Variants in DPEP3 observed in about 807,000 individuals in gnomAD.
The protein encoded by DPEP3 is dipeptidase 3, also known as membrane-bound dipeptidase 3.
In DPEP3, 42 loss-of-function variants were observed where a neutral mutation model predicts 47.5. The observed-to-expected ratio is 0.88, with a 90% CI of 0.69 to 1.14. The LOEUF (loss-of-function observed/expected upper bound fraction) is 1.14, where lower values mean the gene tolerates loss of function less well. Among genes scored for constraint, DPEP3 ranks in the 50% most tolerant of loss-of-function variants. The pLI, the probability that DPEP3 is intolerant of heterozygous loss-of-function variation, is 0.00. For missense variants in DPEP3, 560 were observed against 635.0 expected (o/e 0.88, Z 1.27); for synonymous variants, 276 against 270.2 (o/e 1.02, Z -0.21).
At chr16:67,977,525 A>T in intron 6 of DPEP3, 128 bp downstream of exon 6, 1 of 1,331,276 alleles carries the variant, frequency 7.5e-7, no homozygotes, top group Non-Finnish European at 1.0e-6. Flanking sequence ...CTTAAGTTTC[A>T]GGGATGGAGG....
At position 67,978,440 on chromosome 16, in the gene DPEP3, T is replaced by G; in HGVS notation, c.545-32A>C. On this transcript the variant is annotated intron_variant, in intron 3 of 9. Transcript: ENST00000268793. This position sits in a 1 kb window ranked among gnomAD's most constrained non-coding sequence, Gnocchi z 4.4. ...GGAGGTAGAGAGTCAAGTGGTTAGATCCCAGGAACAGAACCTCCAGAGTGA... is the reference window on the plus strand; with the variant it reads ...GGAGGTAGAGAGTCAAGTGGTTAGAGCCCAGGAACAGAACCTCCAGAGTGA... 6.2e-7 allele frequency: 1 copy of G among 1,613,926 alleles called. No individual in the cohort carries two copies. The highest frequency in any genetic ancestry group is 8.5e-7 in the Non-Finnish European group (1 of 1,179,850).
chr16:67,978,332 C>A lies in DPEP3; in HGVS notation c.621G>T (p.Val207=), dbSNP rs759756513. 4 of 1,614,154 alleles carry A rather than the reference C, an allele frequency of 2.5e-6. No homozygotes were observed. The Admixed American group carries it at 5.0e-5, about 20-fold the overall frequency. The change falls in exon 4 of 10, where the codon GTG becomes GTT. Residue 207 remains valine (V), a synonymous_variant. Transcript: ENST00000268793. This position sits in a 1 kb window ranked among gnomAD's most constrained non-coding sequence, Gnocchi z 4.4. ...CCCCCAGCACATAGAAACTGCGCAG[C>A]ACAGAGAGGCTGCTGTCCAGTGAGT... ...GGHSLDSSLS[V]LRSFYVLGVR...
intron 7 of DPEP3, among the ~76,000 whole-genome samples, 166 bp downstream of exon 7, chr16:67,977,104 C>T (rs372504216): frequency 6.6e-6 from 1 of 152,178 alleles, no homozygotes; most frequent in African/African-American, 2.4e-5. Context: ...AGCACTGACT[C>T]TGTGGCTCCA....
chr16:67,979,911 G>A, intron 1 of DPEP3, 146 bp from the exon 2 acceptor site: 2 of 1,416,394 alleles, frequency 1.4e-6, no homozygotes, highest in Admixed American at 2.3e-5. Flanking sequence ...GAGGGAGGGG[G>A]TTAGATTCCA....
Position 67,978,772 on chromosome 16 carries a change from T to A in DPEP3, c.415-146A>T. 1 of 871,668 alleles carries A rather than the reference T, an allele frequency of 1.1e-6. No homozygotes were observed. 54.0% of individuals were successfully genotyped at this position (871,668 alleles called of 1,614,324 possible). A position where few individuals can be genotyped will look rare whatever the true frequency, so the allele number is the denominator to read the frequency against. On this transcript the variant is annotated intron_variant, in intron 2 of 9. Coordinates refer to ENST00000268793, the MANE Select transcript of DPEP3 (RefSeq NM_001370198.1). The surrounding 1 kb of genome is among the most constrained non-coding windows in gnomAD (Gnocchi z 4.4). Reference sequence around the variant, plus strand: ...CATGACTCCATGGTACCTTGATGACTTTTTTTAAAATTATTTTTTATTTTT... The same window carrying A: ...CATGACTCCATGGTACCTTGATGACATTTTTTAAAATTATTTTTTATTTTT...
rs1239250648 is a variant in DPEP3, at chr16:67,979,633, T to G, written c.414+6A>C. On this transcript the variant is annotated splice_donor_region_variant and intron_variant, in intron 2 of 9. Coordinates refer to ENST00000268793, the MANE Select transcript of DPEP3 (RefSeq NM_001370198.1). ...TGCTGTGGCACCCTGTGTGTCCCTG[T>G]GGTACCTGGGCACCCACGAGGCCGT... 5 of 1,613,430 alleles carry G rather than the reference T, an allele frequency of 3.1e-6. No homozygotes were observed. The highest frequency in any genetic ancestry group is 4.2e-6 in the Non-Finnish European group (5 of 1,179,882).
Position 67,978,522 on chromosome 16 carries a change from T to C in DPEP3, c.519A>G (p.Glu173=), listed in dbSNP as rs1466368704. 6.2e-7 allele frequency: 1 copy of C among 1,613,918 alleles called. No homozygotes were observed. Among genetic ancestry groups the C allele is most frequent in the Non-Finnish European group, 8.5e-7 (1 of 1,179,958 alleles). The change falls in exon 3 of 10, where the codon GAA becomes GAG. Residue 173 remains glutamate (E), a synonymous_variant. Transcript: ENST00000268793. This position sits in a 1 kb window ranked among gnomAD's most constrained non-coding sequence, Gnocchi z 4.4. ...CTTCAGCTGAGGTCACAAGCTCGAG[T>C]TCAGAGTAGGAGGCACACATGCGGT... The part of the protein sequence containing the change: ...LIHRMCASYS[E]LELVTSAEGL...
chr16:67,976,131 G>A lies in DPEP3; in HGVS notation c.1192C>T (p.Arg398Cys), dbSNP rs750310070. Residue 398 changes from arginine (R) to cysteine (C), a missense_variant, in exon 9 of 10, where the codon CGT becomes TGT. Physicochemically the swap from Arg to Cys is radical, Grantham distance 180 (BLOSUM62 -3). Transcript: ENST00000268793. ...WSEEELQGVL[R>C]GNLLRVFRQV... is the part of the protein sequence containing the mutation. ...CTGAAGACCCGCAGCAGGTTTCCAC[G>A]AAGGACACCTTGAAGCTCTTCCTCG... is the stretch of plus-strand genomic sequence containing the variant. 2.5e-6 allele frequency: 4 copies of A among 1,614,156 alleles called. No individual in the cohort carries two copies. Among genetic ancestry groups the A allele is most frequent in the Non-Finnish European group, 3.4e-6 (4 of 1,180,026 alleles).
chr16:67,978,299 G>A lies in DPEP3; in HGVS notation c.654C>T (p.Tyr218=), dbSNP rs1320627559. ...LRSFYVLGVR[Y]LTLTFTCSTP... is the part of the protein sequence containing the mutation. ...TACTGCAGGTGAAGGTAAGTGTCAGGTAGCGCACCCCCAGCACATAGAAAC... is the reference window on the plus strand; with the variant it reads ...TACTGCAGGTGAAGGTAAGTGTCAGATAGCGCACCCCCAGCACATAGAAAC... Residue 218 remains tyrosine (Y), a synonymous_variant, in exon 4 of 10, where the codon TAC becomes TAT. Transcript: ENST00000268793. This position sits in a 1 kb window ranked among gnomAD's most constrained non-coding sequence, Gnocchi z 4.4. 2 of 1,614,058 alleles carry A rather than the reference G, an allele frequency of 1.2e-6. No homozygotes were observed. The highest frequency in any genetic ancestry group is 2.2e-5 in the East Asian group (1 of 44,898).
chr16:67,979,984 G>T, intron 1 of DPEP3, 110 bp downstream of exon 1: 1 of 1,426,704 alleles, frequency 7.0e-7, no homozygotes, highest in Non-Finnish European at 9.4e-7. Context: ...GGCATCCAGG[G>T]GTGGTGTGAG....
chr16:67,976,257 G>A (rs1027342779), intron 8 of DPEP3, 29 bp from the exon 9 acceptor site: 28 of 1,613,154 alleles, frequency 1.7e-5, no homozygotes, highest in Non-Finnish European at 2.4e-5. Flanking sequence ...GCCAGCTGTG[G>A]GACCTTAGCC....
Position 67,980,302 on chromosome 16 carries a change from G to A in DPEP3, c.79C>T (p.Leu27=), listed in dbSNP as rs1274487417. ...LRRLLLLLLL[L]LLRQPVTRAE... ...CGGGTTACGGGCTGCCGCAGCAGCA[G>A]CAGCAGTAGCAGGAGCAGCAGACGC... The change falls in exon 1 of 10, where the codon CTG becomes TTG. Residue 27 remains leucine, a synonymous_variant. Coordinates refer to ENST00000268793, the MANE Select transcript of DPEP3 (RefSeq NM_001370198.1). The A allele has an allele frequency of 1.3e-6, 2 of 1,567,090 alleles. No individual in the cohort carries two copies. Among genetic ancestry groups the A allele is most frequent in the East Asian group, 2.4e-5 (1 of 42,310 alleles).
At position 67,978,022 on chromosome 16, in the gene DPEP3, TGGAA is replaced by T; in HGVS notation, c.687-19_687-16del. On this transcript the variant is annotated splice_polypyrimidine_tract_variant and intron_variant, in intron 4 of 9. Transcript: ENST00000268793. The surrounding 1 kb of genome is among the most constrained non-coding windows in gnomAD (Gnocchi z 4.4). ...AACTCTCTGCCCTGCAGGACAGCCA[TGGAA>T]GGGCAATTTAGCTGATCACACCTTG... The T allele has an allele frequency of 6.2e-7, 1 of 1,613,838 alleles. No individual in the cohort carries two copies. The highest frequency in any genetic ancestry group is 8.5e-7 in the Non-Finnish European group (1 of 1,179,806).
Position 67,975,757 on chromosome 16 carries a change from C to T in DPEP3, c.*8G>A, listed in dbSNP as rs752281673. The T allele has an allele frequency of 5.0e-6, 8 of 1,607,946 alleles. No individual in the cohort carries two copies. In the East Asian group the frequency reaches 1.3e-4, roughly 27 times the overall value. On this transcript the variant is annotated 3_prime_UTR_variant, in exon 10 of 10. Coordinates refer to ENST00000268793, the MANE Select transcript of DPEP3 (RefSeq NM_001370198.1). ...TTGCCACAGTGACCTCTGCGGGGAC[C>T]GACTGTGTCAGCAGAGCCACTGGGT...
chr16:67,975,677 G>T lies in DPEP3; in HGVS notation c.*88C>A. On this transcript the variant is annotated 3_prime_UTR_variant, in exon 10 of 10. Coordinates refer to ENST00000268793, the MANE Select transcript of DPEP3 (RefSeq NM_001370198.1). ...GTGCACCTGGCTCCATGTGTAACAT[G>T]TTTATTCTCAGCATATGCTTGTGAA... 7.6e-7 allele frequency: 1 copy of T among 1,307,586 alleles called. No individual in the cohort carries two copies. The highest frequency in any genetic ancestry group is 1.1e-6 in the Non-Finnish European group (1 of 941,980). 81.0% of individuals were successfully genotyped at this position (1,307,586 alleles called of 1,614,324 possible). A position where few individuals can be genotyped will look rare whatever the true frequency, so the allele number is the denominator to read the frequency against.
intron 6 of DPEP3, 136 bp from the exon 7 acceptor site, chr16:67,977,490 G>C: frequency 8.0e-7 from 1 of 1,253,556 alleles, no homozygotes. Context: ...TGCGTTTGTG[G>C]GTCCCTGAGT....
intron 2 of DPEP3, among the ~76,000 whole-genome samples, chr16:67,979,283 G>A (rs1210114041): frequency 6.6e-6 from 1 of 152,182 alleles, no homozygotes. Flanking sequence ...TCCAGCCTGG[G>A]CGACAGAAGG....
chr16:67,976,795 G>A lies in DPEP3; in HGVS notation c.1019-20C>T. On this transcript the variant is annotated intron_variant, in intron 7 of 9. Coordinates refer to ENST00000268793, the MANE Select transcript of DPEP3 (RefSeq NM_001370198.1). ...AGTGATCTAGGGTGGAGGTGAGGGT[G>A]GGCAGCACTAGGCTAGTTAGACCCT... 6.2e-7 allele frequency: 1 copy of A among 1,610,702 alleles called. No homozygotes were observed. The highest frequency in any genetic ancestry group is 8.5e-7 in the Non-Finnish European group (1 of 1,177,518).
chr16:67,980,221 G>C lies in DPEP3; in HGVS notation c.160C>G (p.Leu54Val). ...RALSTLGSPS[L>V]FTTPGVPSAL... ...CTGGGGACACCCGGCGTGGTGAAGAGGCTGGGGGAGCCCAGCGTGGAGAGG... is the reference window on the plus strand; with the variant it reads ...CTGGGGACACCCGGCGTGGTGAAGACGCTGGGGGAGCCCAGCGTGGAGAGG... Residue 54 changes from leucine (L) to valine (V), a missense_variant, in exon 1 of 10, where the codon CTC becomes GTC. Coordinates refer to ENST00000268793, the MANE Select transcript of DPEP3 (RefSeq NM_001370198.1). The C allele has an allele frequency of 2.5e-6, 4 of 1,610,056 alleles. No homozygotes were observed. Among genetic ancestry groups the C allele is most frequent in the Non-Finnish European group, 3.4e-6 (4 of 1,178,244 alleles).
Sources: gnomAD v4.1 joint callset for allele counts (sites outside exome capture counted in the v4.1 genomes callset) on GRCh38, gnomAD v4.1.1 for gene constraint, Gnocchi (gnomAD v3.1) non-coding constraint, MANE v1.5 for transcripts, NCBI Gene and HGNC (gene_info 2026-07-23, HGNC 2026-07-21) for gene names.